TMTC4: variants seen among roughly 807,000 people sequenced by gnomAD.
TMTC4 encodes the protein protein O-mannosyl-transferase TMTC4.
A neutral mutation model predicts 86.0 loss-of-function variants in TMTC4; 65 were observed. The ratio of observed to expected loss-of-function variants is 0.76; its 90% CI spans 0.62 to 0.93. The LOEUF is 0.93. Among genes scored for constraint, TMTC4 ranks in the 40% least tolerant of loss-of-function variants. The probability of loss-of-function intolerance (pLI) is 0.00; values close to 1 mark genes in which losing one functional copy is unlikely to be tolerated. For missense variants in TMTC4, 866 were observed against 948.1 expected (o/e 0.91, Z 1.14); for synonymous variants, 379 against 382.5 (o/e 0.99, Z 0.11).
chr13:100,613,538 G>A (rs1035683720), intron 16 of TMTC4, among the ~76,000 whole-genome samples: 2 of 152,076 alleles, frequency 1.3e-5, no homozygotes, highest in Non-Finnish European at 2.9e-5. Context: ...CCCTGAACTT[G>A]GGGCATGGAC....
At chr13:100,619,163 G>A (rs1324666033) in intron 15 of TMTC4, among the ~76,000 whole-genome samples, 2 of 146,118 alleles carry the variant, frequency 1.4e-5, no homozygotes, top group Non-Finnish European at 3.0e-5. Context: ...CTGGCCGGGC[G>A]GGGGGCTGAC....
chr13:100,626,076 A>G lies in TMTC4; in HGVS notation c.1581T>C (p.Ala527=), dbSNP rs201553794. Residue 527 remains alanine, a synonymous_variant, in exon 13 of 19, where the codon GCT becomes GCC. Transcript: ENST00000342624. ...QTAAIRYYRE[A]VRLNPKYVHA... ...GTAAGACATACTCGCCATACCTTAC[A>G]GCTTCCCGGTAGTATCTGATGGCAG... 6.2e-6 allele frequency: 10 copies of G among 1,614,224 alleles called. No homozygotes were observed. The Admixed American group carries it at 1.5e-4, about 24-fold the overall frequency.
chr13:100,624,187 A>G (rs1473129797), intron 15 of TMTC4, among the ~76,000 whole-genome samples: 2 of 151,762 alleles, frequency 1.3e-5, no homozygotes, highest in Admixed American at 1.3e-4. Flanking sequence ...TTAGCCAGGC[A>G]TGGTGGCGGG....
intron 5 of TMTC4, among the ~76,000 whole-genome samples, chr13:100,662,681 C>A (rs1407132139): frequency 6.6e-6 from 1 of 152,142 alleles, no homozygotes; most frequent in Non-Finnish European, 1.5e-5. Context: ...AAAGTGTCAC[C>A]AGAGATCACA....
chr13:100,617,216 C>T (rs988949869), intron 15 of TMTC4, among the ~76,000 whole-genome samples: 3 of 152,126 alleles, frequency 2.0e-5, no homozygotes, highest in Non-Finnish European at 4.4e-5. Context: ...CTCACTACAG[C>T]CTTGACCTCC....
intron 15 of TMTC4, 140 bp downstream of exon 15, chr13:100,625,395 G>T: frequency 8.6e-7 from 1 of 1,165,942 alleles, no homozygotes; most frequent in Non-Finnish European, 1.2e-6. Context: ...AAATCAAATA[G>T]CTACCTTCAA....
chr13:100,616,907 T>C (rs1345083183), intron 15 of TMTC4, among the ~76,000 whole-genome samples: 2 of 152,226 alleles, frequency 1.3e-5, no homozygotes, highest in African/African-American at 4.8e-5. Flanking sequence ...ATCTCAATAT[T>C]AGACCTTTGT....
intron 15 of TMTC4, 28 bp from the exon 16 acceptor site, chr13:100,614,458 G>C (rs1271470681): frequency 1.4e-6 from 2 of 1,433,622 alleles, no homozygotes; most frequent in African/African-American, 2.9e-5. Context: ...CAAAAAATCA[G>C]TATTCCAAGT....
At position 100,629,712 on chromosome 13, in the gene TMTC4, T is replaced by C. The variant is rs566750423; in HGVS notation, c.1507-3562A>G. ...ACATTAAACCCTCAGCACCCCAGAATGAAAATGTATTTGGAGATAGGGTCT... is the reference window on the plus strand; with the variant it reads ...ACATTAAACCCTCAGCACCCCAGAACGAAAATGTATTTGGAGATAGGGTCT... On this transcript the variant is annotated intron_variant, in intron 12 of 18. Coordinates refer to ENST00000342624, the MANE Select transcript of TMTC4 (RefSeq NM_032813.5). 3.3e-5 allele frequency among the ~76,000 whole-genome samples: 5 copies of C among 152,262 alleles called. No individual in the cohort carries two copies. In the South Asian group the frequency reaches 1.0e-3, roughly 32 times the overall value.
Position 100,663,286 on chromosome 13 carries a change from C to T in TMTC4, c.336-106G>A, listed in dbSNP as rs969064989. 4.1e-6 allele frequency: 4 copies of T among 975,214 alleles called. No homozygotes were observed. In the South Asian group the frequency reaches 4.3e-5, roughly 10 times the overall value. The allele number at this position is 975,214 out of a possible 1,614,324, so 60.4% of individuals were successfully genotyped here. Reference sequence around the variant, plus strand: ...TGTGTGGAAATATTAAAAGGAGAAGCGGAAGACTTTGTGCCAGCTTGATAA... The same window carrying T: ...TGTGTGGAAATATTAAAAGGAGAAGTGGAAGACTTTGTGCCAGCTTGATAA... On this transcript the variant is annotated intron_variant, in intron 4 of 18. Transcript: ENST00000342624.
At chr13:100,656,291 G>T in intron 6 of TMTC4, 90 bp downstream of exon 6, 1 of 1,124,422 alleles carries the variant, frequency 8.9e-7, no homozygotes, top group Non-Finnish European at 1.3e-6. Context: ...CACTCACATA[G>T]ATGGATTCTT....
intron 16 of TMTC4, 73 bp downstream of exon 16, chr13:100,614,243 T>G (rs1383736067): frequency 8.9e-7 from 1 of 1,121,232 alleles, no homozygotes; most frequent in Non-Finnish European, 1.3e-6. Context: ...CAATAATCTC[T>G]ATTTCCTAAG....
chr13:100,661,439 T>C (rs1885764068), intron 5 of TMTC4, among the ~76,000 whole-genome samples: 1 of 152,264 alleles, frequency 6.6e-6, no homozygotes, highest in African/African-American at 2.4e-5. Context: ...ATTTTGCTTT[T>C]AAGATCACGC....
chr13:100,664,825 T>A (rs1190241719), intron 3 of TMTC4, among the ~76,000 whole-genome samples: 1 of 152,192 alleles, frequency 6.6e-6, no homozygotes, highest in Non-Finnish European at 1.5e-5. Flanking sequence ...TACAGTCACA[T>A]GACTATTTTT....
intron 12 of TMTC4, among the ~76,000 whole-genome samples, chr13:100,630,907 G>C (rs1004995466): frequency 3.9e-5 from 6 of 152,210 alleles, no homozygotes; most frequent in African/African-American, 1.4e-4. Context: ...TTAGAAGGCA[G>C]GCCATCATTA....
chr13:100,636,119 C>T (rs1339698695), intron 10 of TMTC4, among the ~76,000 whole-genome samples: 7 of 152,136 alleles, frequency 4.6e-5, no homozygotes, highest in Non-Finnish European at 1.0e-4. Flanking sequence ...GGGGCAATGG[C>T]TTATTTTGTA....
intron 15 of TMTC4, among the ~76,000 whole-genome samples, chr13:100,616,078 A>G (rs1369136578): frequency 6.7e-6 from 1 of 148,880 alleles, no homozygotes; most frequent in African/African-American, 2.5e-5. Flanking sequence ...TTTTTTTCGT[A>G]TGGTTGTGTG....
rs776477408 is a variant in TMTC4 at position 100,604,992 on chromosome 13, G to T, written c.*2C>A. On this transcript the variant is annotated 3_prime_UTR_variant, in exon 19 of 19. Coordinates refer to ENST00000342624, the MANE Select transcript of TMTC4 (RefSeq NM_032813.5). ...CAAACTCAAAACATGAAGGAAACAG[G>T]ATCAGACAGCTTTCTTTTGCATTAG... 1 of 1,612,718 alleles carries T rather than the reference G, an allele frequency of 6.2e-7. No homozygotes were observed. The highest frequency in any genetic ancestry group is 1.7e-5 in the Admixed American group (1 of 59,694).
chr13:100,659,339 C>G (rs772027070), intron 5 of TMTC4, among the ~76,000 whole-genome samples: 77 of 152,320 alleles, frequency 5.1e-4, no homozygotes, highest in Non-Finnish European at 9.1e-4. Context: ...GTGATCATAG[C>G]TCACTGCAGC....
Sources: allele counts gnomAD v4.1 joint callset (sites outside exome capture counted in the v4.1 genomes callset), GRCh38; gene constraint gnomAD v4.1.1; transcripts MANE v1.5; gene names NCBI Gene and HGNC (gene_info 2026-07-23, HGNC 2026-07-21).